CTNND2: variants seen among roughly 807,000 people sequenced by gnomAD.
The protein encoded by CTNND2 is catenin delta-2.
A neutral mutation model predicts 144.4 loss-of-function variants in CTNND2; 22 were observed. The ratio of observed to expected loss-of-function variants is 0.15; its 90% confidence interval spans 0.11 to 0.22. The LOEUF (loss-of-function observed/expected upper bound fraction) is 0.22. Ranked by LOEUF, CTNND2 falls within the 10% of genes least tolerant of loss-of-function variation. The pLI, the probability that CTNND2 is intolerant of heterozygous loss-of-function variation, is 1.00. For synonymous variants in CTNND2, 751 were observed against 695.6 expected (o/e 1.08, Z -1.25); for missense variants, 1,353 against 1,618.8 (o/e 0.84, Z 2.82).
At chr5:11,150,906 G>A (rs779132403) in intron 12 of CTNND2, among the ~76,000 whole-genome samples, 26 of 152,202 alleles carry the variant, frequency 1.7e-4, no homozygotes, top group African/African-American at 5.5e-4. Context: ...GATGACAGGC[G>A]TGAGCCACCG....
intron 11 of CTNND2, among the ~76,000 whole-genome samples, chr5:11,174,848 A>G (rs16901355): frequency 0.08 from 12,165 of 152,278 alleles, 709 homozygotes; most frequent in African/African-American, 0.17. Flanking sequence ...GGATTTTCAG[A>G]AAACAATTTA....
chr5:11,832,528 G>A (rs780540847), intron 1 of CTNND2, among the ~76,000 whole-genome samples: 3 of 152,172 alleles, frequency 2.0e-5, no homozygotes, highest in Non-Finnish European at 4.4e-5. Context: ...CCAAAGAAGA[G>A]AGACAGTTAG....
At chr5:11,328,178 C>T (rs1022649784) in intron 9 of CTNND2, among the ~76,000 whole-genome samples, 9 of 152,064 alleles carry the variant, frequency 5.9e-5, no homozygotes, top group Non-Finnish European at 1.0e-4. Flanking sequence ...AGAAAAATGA[C>T]TCTTTTTTCC....
At chr5:11,069,685 CAGAGAGACAGAG>C (rs1748035340) in intron 16 of CTNND2, among the ~76,000 whole-genome samples, 3 of 142,118 alleles carry the variant, frequency 2.1e-5, no homozygotes, top group Admixed American at 2.1e-4. Flanking sequence ...GACAGAGAGA[CAGAGAGACAGAG>C]AGAGAGAGAA....
At chr5:11,645,385 A>G (rs1206840931) in intron 2 of CTNND2, among the ~76,000 whole-genome samples, 1 of 152,230 alleles carries the variant, frequency 6.6e-6, no homozygotes, top group African/African-American at 2.4e-5. Context: ...GATATCCCAG[A>G]AATTGTGCTC....
chr5:11,643,385 C>T (rs1219934859), intron 2 of CTNND2, among the ~76,000 whole-genome samples: 1 of 106,878 alleles, frequency 9.4e-6, no homozygotes, highest in African/African-American at 3.9e-5. Flanking sequence ...TCCCTCCCCC[C>T]TCCCCCCACC....
At position 11,300,357 on chromosome 5, in the gene CTNND2, C is replaced by T. The variant is rs548848392; in HGVS notation, c.1628+46015G>A. Among the ~76,000 whole-genome samples the T allele has an allele frequency of 2.0e-5, 3 of 152,210 alleles. No individual in the cohort carries two copies. In the South Asian group the frequency reaches 6.2e-4, roughly 32 times the overall value. ...GAAGGTCCAAGCAAAGGAAACTATT[C>T]TGGTGGCCCTCTGGTCCTCAATGGG... On this transcript the variant is annotated intron_variant, in intron 9 of 21. Transcript: ENST00000304623.
At chr5:11,842,966 A>C (rs1322971419) in intron 1 of CTNND2, among the ~76,000 whole-genome samples, 2 of 152,170 alleles carry the variant, frequency 1.3e-5, no homozygotes, top group African/African-American at 2.4e-5. Flanking sequence ...AAACATGTGA[A>C]GCGCTGTTGT....
At chr5:11,309,658 G>C (rs979463938) in intron 9 of CTNND2, among the ~76,000 whole-genome samples, 3 of 152,170 alleles carry the variant, frequency 2.0e-5, no homozygotes, top group African/African-American at 7.2e-5. Flanking sequence ...TTAAGACTTG[G>C]GGGACTGTTG....
chr5:11,129,240 T>TTTATATATTATATATAATATATA (rs1755273176), intron 12 of CTNND2, among the ~76,000 whole-genome samples: 1 of 43,892 alleles, frequency 2.3e-5, no homozygotes, highest in Non-Finnish European at 4.2e-5. Flanking sequence ...ATATTATATA[T>TTTATATATTATATATAATATATA]TATATATTAT....
intron 1 of CTNND2, among the ~76,000 whole-genome samples, chr5:11,775,258 G>A (rs147443515): frequency 2.6e-4 from 40 of 152,190 alleles, no homozygotes; most frequent in African/African-American, 8.2e-4. Context: ...AAAGGACTTG[G>A]GCATTTGAAT....
chr5:11,641,633 T>TGTGTGTATATACATATAC lies in CTNND2; in HGVS notation c.175-76595_175-76578dup, dbSNP rs1303447634. ...ATATACGTGTGTGTATACATATACGTGTGTGTATATACATATACGTGTGTA... is the reference window on the plus strand; with the variant it reads ...ATATACGTGTGTGTATACATATACGTGTGTGTATATACATATACGTGTGTATATACATATACGTGTGTA... On this transcript the variant is annotated intron_variant, in intron 2 of 21. Transcript: ENST00000304623. Among the ~76,000 whole-genome samples the TGTGTGTATATACATATAC allele has an allele frequency of 2.2e-4, 32 of 147,142 alleles. 1 individual carries two copies. Among genetic ancestry groups the TGTGTGTATATACATATAC allele is most frequent in the African/African-American group, 4.6e-4 (18 of 39,266 alleles).
At chr5:11,818,231 T>C (rs1344487729) in intron 1 of CTNND2, among the ~76,000 whole-genome samples, 4 of 152,048 alleles carry the variant, frequency 2.6e-5, no homozygotes, top group Non-Finnish European at 5.9e-5. Flanking sequence ...GCTTTGACAA[T>C]ATGGTAATGC....
At chr5:11,882,085 C>T (rs1736160023) in intron 1 of CTNND2, among the ~76,000 whole-genome samples, 1 of 151,774 alleles carries the variant, frequency 6.6e-6, no homozygotes, top group Admixed American at 6.6e-5. Flanking sequence ...ATTATAACTG[C>T]TGTTGAGATT....
intron 1 of CTNND2, among the ~76,000 whole-genome samples, chr5:11,868,313 G>T (rs1795872849): frequency 1.3e-5 from 2 of 152,072 alleles, no homozygotes; most frequent in African/African-American, 4.8e-5. Context: ...AGGGCAGTCT[G>T]ATGTGGGAAA....
chr5:11,863,101 C>A (rs547809649), intron 1 of CTNND2, among the ~76,000 whole-genome samples: 4 of 152,116 alleles, frequency 2.6e-5, no homozygotes, highest in Non-Finnish European at 5.9e-5. Flanking sequence ...TGAACTTACA[C>A]GAAAATGTCC....
intron 2 of CTNND2, among the ~76,000 whole-genome samples, chr5:11,730,597 C>T (rs542217197): frequency 5.9e-5 from 9 of 152,246 alleles, no homozygotes; most frequent in South Asian, 4.2e-4. Flanking sequence ...ATACTTCCAC[C>T]GGTCTTTAAA....
chr5:11,110,982 G>C lies in CTNND2; in HGVS notation c.2339C>G (p.Ser780Cys). The change falls in exon 14 of 22, where the codon TCT (serine) becomes TGT (cysteine). Residue 780 changes from serine (S) to cysteine (C), a missense_variant. Coordinates refer to ENST00000304623, the MANE Select transcript of CTNND2 (RefSeq NM_001332.4). The part of the protein sequence containing the change: ...NLSYRLAAET[S>C]QGQHMGTDEL... ...GTCCGTGCCCATGTGCTGTCCCTGAGACGTTTCTGCCGCCAGCCGGTACGA... is the reference window on the plus strand; with the variant it reads ...GTCCGTGCCCATGTGCTGTCCCTGACACGTTTCTGCCGCCAGCCGGTACGA... The C allele has an allele frequency of 6.2e-7, 1 of 1,614,114 alleles. No individual in the cohort carries two copies. Among genetic ancestry groups the C allele is most frequent in the Non-Finnish European group, 8.5e-7 (1 of 1,180,004 alleles).
chr5:11,901,166 T>G (rs1463011109), intron 1 of CTNND2, among the ~76,000 whole-genome samples: 1 of 152,210 alleles, frequency 6.6e-6, no homozygotes, highest in Admixed American at 6.5e-5. Context: ...ATGTTAATGT[T>G]TTCTTAAAGA....
Sources: allele counts gnomAD v4.1 joint callset (sites outside exome capture counted in the v4.1 genomes callset), GRCh38; gene constraint gnomAD v4.1.1; transcripts MANE v1.5; gene names NCBI Gene and HGNC (gene_info 2026-07-23, HGNC 2026-07-21).